The following ZFAT variants were observed in gnomAD, a reference collection of about 807,000 sequenced individuals.
The protein encoded by ZFAT is zinc finger protein ZFAT.
Under a neutral mutation model 117.7 loss-of-function variants are expected in ZFAT, and 64 were observed. That is an observed-to-expected ratio of 0.54 (90% CI 0.44 to 0.67). ZFAT has a LOEUF of 0.67. Among genes scored for constraint, ZFAT ranks in the 30% least tolerant of loss-of-function variants. The pLI is 0.00. For synonymous variants in ZFAT, 679 were observed against 615.0 expected (o/e 1.10, Z -1.54); for missense variants, 1,433 against 1,584.5 (o/e 0.90, Z 1.62).
At chr8:134,544,093 C>G (rs375584325) in intron 11 of ZFAT, among the ~76,000 whole-genome samples, 24 of 152,294 alleles carry the variant, frequency 1.6e-4, no homozygotes, top group African/African-American at 5.5e-4. Flanking sequence ...CTACCTTCAC[C>G]CTGAAATTTT....
At chr8:134,665,712 C>T (rs546242417) in intron 1 of ZFAT, among the ~76,000 whole-genome samples, 16 of 152,316 alleles carry the variant, frequency 1.1e-4, no homozygotes, top group African/African-American at 3.6e-4. Context: ...TGTCTGTATC[C>T]TTCCAGACCT....
intron 11 of ZFAT, among the ~76,000 whole-genome samples, chr8:134,558,507 A>G (rs1823814830): frequency 6.6e-6 from 1 of 152,230 alleles, no homozygotes; most frequent in Admixed American, 6.5e-5. Context: ...GCCTAACCCA[A>G]CAATTCCGAA....
At chr8:134,541,224 G>A (rs947567955) in intron 11 of ZFAT, among the ~76,000 whole-genome samples, 3 of 152,162 alleles carry the variant, frequency 2.0e-5, no homozygotes, top group Non-Finnish European at 4.4e-5. Flanking sequence ...CATTTAAGAC[G>A]TGACTGAATT....
intron 1 of ZFAT, among the ~76,000 whole-genome samples, chr8:134,666,568 A>C (rs572365820): frequency 9.2e-5 from 14 of 152,358 alleles, no homozygotes; most frequent in Admixed American, 7.2e-4. Context: ...AAGCCTGTCT[A>C]CAACAAGCGA....
the ZFAT span, among the ~76,000 whole-genome samples, chr8:134,754,776 A>G: frequency 6.6e-6 from 1 of 152,164 alleles, no homozygotes; most frequent in Non-Finnish European, 1.5e-5. Context: ...ATTCTCAGGG[A>G]CTTGGGTGCT....
Position 134,601,998 on chromosome 8 carries a change from G to A in ZFAT, c.1721C>T (p.Pro574Leu). The A allele has an allele frequency of 1.9e-6, 3 of 1,613,364 alleles. No individual in the cohort carries two copies. Among genetic ancestry groups the A allele is most frequent in the Non-Finnish European group, 8.5e-7 (1 of 1,179,882 alleles). ...GACCACGGTGGTTTCCAGCTCACAGGGTGGCAGGGCTGTGCTTTCGGCCTG... is the reference window on the plus strand; with the variant it reads ...GACCACGGTGGTTTCCAGCTCACAGAGTGGCAGGGCTGTGCTTTCGGCCTG... ...SPQAESTALP[P>L]CELETTVVSS... The change falls in exon 6 of 16, where the codon CCC (proline) becomes CTC (leucine). Residue 574 changes from proline (P) to leucine (L), a missense_variant. By Grantham distance (98) the Pro-to-Leu change is moderately conservative. Transcript: ENST00000377838.
the ZFAT span, among the ~76,000 whole-genome samples, chr8:134,781,517 T>C: frequency 2.0e-5 from 3 of 152,244 alleles, no homozygotes; most frequent in African/African-American, 7.2e-5. Context: ...CAGTGGACAC[T>C]AAACTTGGTG....
the ZFAT span, among the ~76,000 whole-genome samples, chr8:134,826,169 A>G: frequency 6.6e-6 from 1 of 152,234 alleles, no homozygotes; most frequent in Non-Finnish European, 1.5e-5. Context: ...AAATTTGCAA[A>G]AAATAGCAAA....
intron 3 of ZFAT, among the ~76,000 whole-genome samples, chr8:134,625,002 A>G (rs1321896599): frequency 6.6e-6 from 1 of 152,268 alleles, no homozygotes; most frequent in East Asian, 1.9e-4. Flanking sequence ...TTGTCAGAAC[A>G]GCAGACTGAT....
intron 3 of ZFAT, among the ~76,000 whole-genome samples, chr8:134,629,741 G>A (rs1004706301): frequency 6.6e-6 from 1 of 152,190 alleles, no homozygotes; most frequent in East Asian, 1.9e-4. Flanking sequence ...AGGCCTCCCA[G>A]TCATGCTTCC....
At chr8:134,479,385 T>C (rs1817129809) in intron 15 of ZFAT, among the ~76,000 whole-genome samples, 1 of 152,210 alleles carries the variant, frequency 6.6e-6, no homozygotes, top group Non-Finnish European at 1.5e-5. Context: ...TGGGACCTCA[T>C]GGATTCTATG....
chr8:134,709,466 T>C lies in ZFAT; in HGVS notation c.19+3379A>G, dbSNP rs112443197. The stretch of plus-strand genomic sequence containing the variant: ...CTGGAGCCAGAGCACGTGCTCTTTC[T>C]ACCCTCCTAAATGTTCCAGCCCTTA... On this transcript the variant is annotated intron_variant, in intron 1 of 15. Coordinates refer to ENST00000377838, the MANE Select transcript of ZFAT (RefSeq NM_020863.4). Among the ~76,000 whole-genome samples, 229 of 152,334 alleles carry C rather than the reference T, an allele frequency of 1.5e-3. 1 individual carries two copies. Among genetic ancestry groups the C allele is most frequent in the African/African-American group, 5.3e-3 (221 of 41,568 alleles).
In ZFAT at chr8:134,602,138, G is replaced by C. The variant is rs758523008; in HGVS notation, c.1581C>G (p.Gly527=). 1.9e-6 allele frequency: 3 copies of C among 1,612,966 alleles called. No homozygotes were observed. The highest frequency in any genetic ancestry group is 3.3e-5 in the Admixed American group (2 of 59,944). ...QLVEEEFALQ[G]VNALKEEACP... is the part of the protein sequence containing the mutation. The stretch of plus-strand genomic sequence containing the variant: ...AGGCCTCTTCCTTGAGTGCATTCAC[G>C]CCCTGGAGGGCAAACTCCTCTTCCA... The change falls in exon 6 of 16, where the codon GGC becomes GGG. Residue 527 remains glycine, a synonymous_variant. Transcript: ENST00000377838.
At chr8:134,564,192 CAAA>C (rs55811622) in intron 11 of ZFAT, among the ~76,000 whole-genome samples, 1 of 57,484 alleles carries the variant, frequency 1.7e-5, no homozygotes, top group Non-Finnish European at 3.3e-5. Flanking sequence ...GACTCCTTCT[CAAA>C]AAAAAAAAAA....
At chr8:134,757,056 G>A in the ZFAT span, among the ~76,000 whole-genome samples, 9 of 116,354 alleles carry the variant, frequency 7.7e-5, no homozygotes, top group South Asian at 5.8e-4. Context: ...CACTCCTGTC[G>A]CCCAGGCTGG....
At chr8:134,770,991 C>T in the ZFAT span, among the ~76,000 whole-genome samples, 5 of 152,112 alleles carry the variant, frequency 3.3e-5, no homozygotes, top group African/African-American at 7.2e-5. Context: ...CAATGGTGCC[C>T]GAAACTTCAT....
chr8:134,504,620 C>A (rs1020112720), intron 15 of ZFAT, among the ~76,000 whole-genome samples: 6 of 152,160 alleles, frequency 3.9e-5, no homozygotes, highest in Non-Finnish European at 7.3e-5. Flanking sequence ...TTGTTAAAAA[C>A]GCCAACATGA....
chr8:134,542,673 T>C (rs1586674974), intron 11 of ZFAT, among the ~76,000 whole-genome samples: 1 of 152,244 alleles, frequency 6.6e-6, no homozygotes, highest in East Asian at 1.9e-4. Flanking sequence ...GCCTTCAAAG[T>C]CTGCCAGAGC....
chr8:134,711,484 C>T (rs1221929249), intron 1 of ZFAT, among the ~76,000 whole-genome samples: 1 of 152,152 alleles, frequency 6.6e-6, no homozygotes, highest in Non-Finnish European at 1.5e-5. Flanking sequence ...GGCACCACAG[C>T]TAATCAGCGC....
Sources: gnomAD v4.1 joint callset for allele counts (sites outside exome capture counted in the v4.1 genomes callset) on GRCh38, gnomAD v4.1.1 for gene constraint, MANE v1.5 for transcripts, NCBI Gene and HGNC (gene_info 2026-07-23, HGNC 2026-07-21) for gene names.